Variants in LNPK observed in about 807,000 individuals in gnomAD.
LNPK encodes the protein endoplasmic reticulum junction formation protein lunapark.
In LNPK, 29 loss-of-function variants were observed where a neutral mutation model predicts 55.2. The observed-to-expected ratio is 0.53, with a 90% CI of 0.39 to 0.72. The LOEUF is 0.72. Among genes scored for constraint, LNPK ranks in the 30% least tolerant of loss-of-function variants. The probability of loss-of-function intolerance (pLI) is 0.00; values close to 1 mark genes in which losing one functional copy is unlikely to be tolerated. For missense variants in LNPK, 467 were observed against 494.8 expected (o/e 0.94, Z 0.53); for synonymous variants, 162 against 168.2 (o/e 0.96, Z 0.29).
intron 8 of LNPK, among the ~76,000 whole-genome samples, chr2:175,957,637 G>A (rs1376086924): frequency 2.6e-5 from 4 of 152,082 alleles, no homozygotes; most frequent in African/African-American, 7.2e-5. Flanking sequence ...CTCCCAGCAC[G>A]ATCAACACAG....
chr2:176,001,720 G>A (rs1323232849), intron 1 of LNPK, among the ~76,000 whole-genome samples: 1 of 152,146 alleles, frequency 6.6e-6, no homozygotes, highest in Non-Finnish European at 1.5e-5. Flanking sequence ...AAAGAGAAGC[G>A]GAGAGAACGC....
rs1684177643 is a variant in LNPK at position 175,929,862 on chromosome 2, C to T, written c.*105G>A. ...AGGCAATCTGAATTCAAATGATACA[C>T]AAGCATACCCTTAGAGGGGCAAAAA... On this transcript the variant is annotated 3_prime_UTR_variant, in exon 13 of 13. Coordinates refer to ENST00000272748, the MANE Select transcript of LNPK (RefSeq NM_030650.3). The T allele has an allele frequency of 3.3e-6, 5 of 1,508,870 alleles. No individual in the cohort carries two copies. Among genetic ancestry groups the T allele is most frequent in the Non-Finnish European group, 4.4e-6 (5 of 1,129,682 alleles). 93.5% of individuals were successfully genotyped at this position (1,508,870 alleles called of 1,614,324 possible). A position where few individuals can be genotyped will look rare whatever the true frequency, so the allele number is the denominator to read the frequency against.
At chr2:175,949,859 G>C (rs532484306) in intron 8 of LNPK, among the ~76,000 whole-genome samples, 1 of 152,102 alleles carries the variant, frequency 6.6e-6, no homozygotes, top group South Asian at 2.1e-4. Context: ...TACCAAATCT[G>C]TATTTGTCAA....
chr2:175,992,449 A>G, intron 3 of LNPK, 31 bp from the exon 4 acceptor site: 2 of 1,298,264 alleles, frequency 1.5e-6, no homozygotes, highest in Non-Finnish European at 2.1e-6. Flanking sequence ...CATGTTAGTA[A>G]ATTTCAAACT....
chr2:175,977,133 C>T (rs1686947205), intron 5 of LNPK, among the ~76,000 whole-genome samples: 1 of 152,110 alleles, frequency 6.6e-6, no homozygotes, highest in African/African-American at 2.4e-5. Flanking sequence ...GTTAGGTATA[C>T]AAGTCTACAG....
In LNPK at chr2:175,985,634, AGTGGATGCCT is replaced by A. The variant is rs1687371504; in HGVS notation, c.258-5776_258-5767del. Among the ~76,000 whole-genome samples the A allele has an allele frequency of 2.0e-5, 3 of 152,174 alleles. No individual in the cohort carries two copies. The South Asian group carries it at 6.2e-4, about 32-fold the overall frequency. On this transcript the variant is annotated intron_variant, in intron 4 of 12. Coordinates refer to ENST00000272748, the MANE Select transcript of LNPK (RefSeq NM_030650.3). Reference sequence around the variant, plus strand: ...CAGTGATATATGTTCCATGACCCCCAGTGGATGCCTGAAACCATGGACAGTACCAAATCCA... The same window carrying A: ...CAGTGATATATGTTCCATGACCCCCAGAAACCATGGACAGTACCAAATCCA...
chr2:175,960,053 T>A (rs1559047630), intron 8 of LNPK, among the ~76,000 whole-genome samples: 1 of 152,032 alleles, frequency 6.6e-6, no homozygotes, highest in Non-Finnish European at 1.5e-5. Context: ...AGCACCCAGA[T>A]TCATAAGGTA....
At chr2:175,986,570 G>C (rs1687424313) in intron 4 of LNPK, among the ~76,000 whole-genome samples, 1 of 151,900 alleles carries the variant, frequency 6.6e-6, no homozygotes, top group Non-Finnish European at 1.5e-5. Context: ...ATAAAGAAAA[G>C]TTTTTGGATG....
At position 175,956,263 on chromosome 2, in the gene LNPK, G is replaced by T. The variant is rs187939144; in HGVS notation, c.493+8109C>A. Among the ~76,000 whole-genome samples, 3 of 143,010 alleles carry T rather than the reference G, an allele frequency of 2.1e-5. No individual in the cohort carries two copies. In the East Asian group the frequency reaches 6.2e-4, roughly 29 times the overall value. The allele number at this position is 143,010 out of a possible 152,430, so 93.8% of individuals were successfully genotyped here. A position where few individuals can be genotyped will look rare whatever the true frequency, so the allele number is the denominator to read the frequency against. ...CCACTGCACTCCAGCCTGGGTGACA[G>T]TGAGACCATGTATTCAAAAAAAAAA... On this transcript the variant is annotated intron_variant, in intron 8 of 12. Coordinates refer to ENST00000272748, the MANE Select transcript of LNPK (RefSeq NM_030650.3).
At chr2:175,946,155 A>T (rs1685112362) in intron 9 of LNPK, among the ~76,000 whole-genome samples, 1 of 152,188 alleles carries the variant, frequency 6.6e-6, no homozygotes, top group Non-Finnish European at 1.5e-5. Context: ...TATTCCTTCT[A>T]TAGCCCTATT....
intron 12 of LNPK, among the ~76,000 whole-genome samples, chr2:175,933,718 A>C (rs994331370): frequency 1.4e-5 from 2 of 147,050 alleles, no homozygotes; most frequent in East Asian, 4.1e-4. Context: ...CAAATCAATT[A>C]GACAAGTTAA....
rs527883024 is a variant in LNPK at position 175,945,620 on chromosome 2, C to A, written c.706+1860G>T. Among the ~76,000 whole-genome samples the A allele has an allele frequency of 2.6e-5, 4 of 152,100 alleles. No individual in the cohort carries two copies. The East Asian group carries it at 5.8e-4, about 22-fold the overall frequency. ...TAAACTTGAATCCAGACATGGTCAT[C>A]CCTCATTATCAAATTTTCAACTTGA... On this transcript the variant is annotated intron_variant, in intron 9 of 12. Coordinates refer to ENST00000272748, the MANE Select transcript of LNPK (RefSeq NM_030650.3).
At chr2:175,945,140 C>A (rs1431816001) in intron 9 of LNPK, among the ~76,000 whole-genome samples, 4 of 151,648 alleles carry the variant, frequency 2.6e-5, no homozygotes, top group African/African-American at 7.2e-5. Context: ...CTCAGGTGAT[C>A]TGCCCATCTC....
rs539862894 is a variant in LNPK, at chr2:175,924,362, T to C, written c.*5605A>G. On this transcript the variant is annotated 3_prime_UTR_variant, in exon 13 of 13. Coordinates refer to ENST00000272748, the MANE Select transcript of LNPK (RefSeq NM_030650.3). ...CAGATAATAAATCCAACAGGTAATA[T>C]TGTAAAGTAATATTGTAAGAAGAAA... 1.1e-4 allele frequency: 17 copies of C among 152,300 alleles called. No individual in the cohort carries two copies. The highest frequency in any genetic ancestry group is 2.0e-4 in the Admixed American group (3 of 15,284). The allele number at this position is 152,300 out of a possible 1,614,324, so 9.4% of individuals were successfully genotyped here.
At chr2:175,959,808 G>A (rs1168477686) in intron 8 of LNPK, among the ~76,000 whole-genome samples, 2 of 151,976 alleles carry the variant, frequency 1.3e-5, no homozygotes, top group African/African-American at 4.8e-5. Flanking sequence ...CTGTATTCAG[G>A]AAACCCATCT....
intron 8 of LNPK, among the ~76,000 whole-genome samples, chr2:175,957,449 C>G (rs1685751325): frequency 3.3e-5 from 5 of 151,830 alleles, no homozygotes; most frequent in Admixed American, 1.3e-4. Context: ...GATGAGCTAT[C>G]ACACACTTGT....
intron 4 of LNPK, among the ~76,000 whole-genome samples, chr2:175,990,626 T>C (rs1234176207): frequency 6.6e-6 from 1 of 152,224 alleles, no homozygotes; most frequent in Non-Finnish European, 1.5e-5. Context: ...GAAAATGTCC[T>C]GTGTTAAGTC....
rs548711351 is a variant in LNPK at position 175,963,432 on chromosome 2, A to C, written c.493+940T>G. Among the ~76,000 whole-genome samples, 3 of 152,276 alleles carry C rather than the reference A, an allele frequency of 2.0e-5. No homozygotes were observed. In the South Asian group the frequency reaches 6.2e-4, roughly 32 times the overall value. ...GACATGGATGAAATTGGAAATCATC[A>C]TTCTCAGTAAACTATCACAAGAACA... On this transcript the variant is annotated intron_variant, in intron 8 of 12. Coordinates refer to ENST00000272748, the MANE Select transcript of LNPK (RefSeq NM_030650.3).
In LNPK at chr2:175,937,520, G is replaced by C. The variant is rs751039929; in HGVS notation, c.884-6C>G. On this transcript the variant is annotated splice_region_variant and splice_polypyrimidine_tract_variant and intron_variant, in intron 11 of 12. Transcript: ENST00000272748. ...ACAGTAGGCACATCGAAAAGCTGCA[G>C]AGAATTTTTTAAAAATAAGCAAAAC... 1.2e-6 allele frequency: 2 copies of C among 1,602,416 alleles called. No homozygotes were observed. Among genetic ancestry groups the C allele is most frequent in the Admixed American group, 3.5e-5 (2 of 57,516 alleles).
Sources: gnomAD v4.1 joint callset for allele counts (sites outside exome capture counted in the v4.1 genomes callset) on GRCh38, gnomAD v4.1.1 for gene constraint, MANE v1.5 for transcripts, NCBI Gene and HGNC (gene_info 2026-07-23, HGNC 2026-07-21) for gene names.